Variants in TMCO5A observed in about 807,000 individuals in gnomAD.
TMCO5A encodes transmembrane and coiled-coil domains 5A, also known as transmembrane and coiled-coil domain-containing protein 5A.
In TMCO5A, 34 loss-of-function variants were observed where a neutral mutation model predicts 42.3. That is an observed-to-expected ratio of 0.80 (90% confidence interval 0.61 to 1.07). The LOEUF (loss-of-function observed/expected upper bound fraction) is 1.07. Ranked by LOEUF, TMCO5A falls within the 50% of genes least tolerant of loss-of-function variation. The pLI, the probability that TMCO5A is intolerant of heterozygous loss-of-function variation, is 0.00. For synonymous variants in TMCO5A, 131 were observed against 115.6 expected (o/e 1.13, Z -0.86); for missense variants, 357 against 327.9 (o/e 1.09, Z -0.69).
At chr15:37,985,529 C>T in the TMCO5A span, among the ~76,000 whole-genome samples, 1 of 152,124 alleles carries the variant, frequency 6.6e-6, no homozygotes, top group South Asian at 2.1e-4. Flanking sequence ...AAATGTTGTA[C>T]TTAACTATGC....
At chr15:38,017,561 G>T in the TMCO5A span, among the ~76,000 whole-genome samples, 1 of 152,164 alleles carries the variant, frequency 6.6e-6, no homozygotes, top group East Asian at 1.9e-4. Flanking sequence ...GTACAGGAAA[G>T]GCTTTTAAAG....
At chr15:37,965,110 C>G (rs1043833897) in intron 11 of TMCO5A, among the ~76,000 whole-genome samples, 1 of 152,034 alleles carries the variant, frequency 6.6e-6, no homozygotes, top group Non-Finnish European at 1.5e-5. Context: ...AACAAATATG[C>G]ACACCTAAAG....
intron 11 of TMCO5A, among the ~76,000 whole-genome samples, 177 bp downstream of exon 11, chr15:37,947,873 GACTT>G (rs1890020425): frequency 6.6e-6 from 1 of 152,008 alleles, no homozygotes; most frequent in Admixed American, 6.6e-5. Flanking sequence ...CTAATGTTAT[GACTT>G]ACTTGTTTAA....
intron 11 of TMCO5A, among the ~76,000 whole-genome samples, chr15:37,962,375 C>A (rs4597273): frequency 0.22 from 33,805 of 151,948 alleles, 3,972 homozygotes; most frequent in Admixed American, 0.3. Flanking sequence ...TCTCTGCATC[C>A]CTGGTATGAA....
At chr15:38,003,222 G>GTCTCTCTCTCTCTCTCTCTCTCTCTC in the TMCO5A span, among the ~76,000 whole-genome samples, 296 of 147,124 alleles carry the variant, frequency 2.0e-3, 1 homozygote, top group African/African-American at 7.1e-3. Context: ...CCCAAACAGA[G>GTCTCTCTCTCTCTCTCTCTCTCTCTC]TCTCTCTCTC....
At chr15:37,975,085 T>A in the TMCO5A span, among the ~76,000 whole-genome samples, 1 of 152,232 alleles carries the variant, frequency 6.6e-6, no homozygotes, top group Admixed American at 6.5e-5. Flanking sequence ...TCTATTTTTA[T>A]TGTACTGTGA....
the TMCO5A span, among the ~76,000 whole-genome samples, chr15:38,006,024 G>T: frequency 2.0e-5 from 3 of 152,176 alleles, no homozygotes; most frequent in African/African-American, 7.2e-5. Context: ...TAAGTGATCT[G>T]TACCCAGTCT....
chr15:37,937,484 A>T (rs957106298), intron 5 of TMCO5A, 88 bp downstream of exon 5: 117 of 1,427,556 alleles, frequency 8.2e-5, no homozygotes, highest in Admixed American at 1.7e-4. Context: ...ATCATAGAGG[A>T]ACCCATAAGT....
chr15:37,957,189 G>C (rs1890311656), intron 11 of TMCO5A, among the ~76,000 whole-genome samples: 1 of 152,100 alleles, frequency 6.6e-6, no homozygotes, highest in Admixed American at 6.6e-5. Flanking sequence ...ACAAGACAAG[G>C]CTGCCCTCTC....
At chr15:38,022,027 G>T in the TMCO5A span, among the ~76,000 whole-genome samples, 1 of 152,006 alleles carries the variant, frequency 6.6e-6, no homozygotes, top group African/African-American at 2.4e-5. Context: ...GGCCAGGATG[G>T]TCTCGATCTC....
intron 10 of TMCO5A, 124 bp downstream of exon 10, chr15:37,943,522 C>T: frequency 2.4e-6 from 2 of 845,116 alleles, no homozygotes; most frequent in Middle Eastern, 2.3e-4. Flanking sequence ...AGAACAGTAC[C>T]AGCTATAATT....
At chr15:37,950,271 A>G (rs1442009148) in intron 11 of TMCO5A, among the ~76,000 whole-genome samples, 2 of 22,742 alleles carry the variant, frequency 8.8e-5, no homozygotes, top group African/African-American at 1.2e-4. Context: ...AATAGAAAAT[A>G]TAAGTATATT....
chr15:38,027,490 A>G, the TMCO5A span, among the ~76,000 whole-genome samples: 1 of 152,170 alleles, frequency 6.6e-6, no homozygotes, highest in Non-Finnish European at 1.5e-5. Flanking sequence ...TGACTTTACA[A>G]GCTCATAGGT....
At chr15:38,024,205 G>A in the TMCO5A span, among the ~76,000 whole-genome samples, 1 of 152,168 alleles carries the variant, frequency 6.6e-6, no homozygotes, top group Non-Finnish European at 1.5e-5. Flanking sequence ...TGCTGCCACT[G>A]AGCTTCTCCA....
chr15:37,991,854 A>G, the TMCO5A span, among the ~76,000 whole-genome samples: 2 of 152,158 alleles, frequency 1.3e-5, no homozygotes, highest in Non-Finnish European at 2.9e-5. Flanking sequence ...ACAAAAACCA[A>G]CTTAAGATGG....
At chr15:37,976,160 G>A in the TMCO5A span, among the ~76,000 whole-genome samples, 2 of 151,514 alleles carry the variant, frequency 1.3e-5, no homozygotes, top group Non-Finnish European at 2.9e-5. Flanking sequence ...CAGGATAATC[G>A]CTTGAACCTG....
intron 10 of TMCO5A, among the ~76,000 whole-genome samples, chr15:37,946,262 G>A (rs936671568): frequency 5.9e-5 from 9 of 152,212 alleles, no homozygotes; most frequent in African/African-American, 2.2e-4. Flanking sequence ...TTTGGTTACT[G>A]TAGCCTTGTA....
At chr15:37,972,827 G>A in the TMCO5A span, among the ~76,000 whole-genome samples, 2 of 152,084 alleles carry the variant, frequency 1.3e-5, no homozygotes, top group Non-Finnish European at 2.9e-5. Flanking sequence ...AATTGTTTTT[G>A]GCAGCTTCAT....
downstream of TMCO5A, among the ~76,000 whole-genome samples, chr15:37,956,014 G>C (rs1057113567): frequency 6.6e-6 from 1 of 152,106 alleles, no homozygotes; most frequent in Non-Finnish European, 1.5e-5. Flanking sequence ...ATAACGAAAT[G>C]AAGGTAGAAA....
Sources: gnomAD v4.1 joint callset for allele counts (sites outside exome capture counted in the v4.1 genomes callset) on GRCh38, gnomAD v4.1.1 for gene constraint, MANE v1.5 for transcripts, NCBI Gene and HGNC (gene_info 2026-07-23, HGNC 2026-07-21) for gene names.